The following MYLK variants were observed in gnomAD, a reference collection of about 807,000 sequenced individuals.
MYLK encodes myosin light chain kinase.
A neutral mutation model predicts 203.4 loss-of-function variants in MYLK; 106 were observed. The observed-to-expected ratio is 0.52, with a 90% CI of 0.45 to 0.61. The LOEUF is 0.61. Ranked by LOEUF, MYLK falls within the 20% of genes least tolerant of loss-of-function variation. The pLI is 0.00. For synonymous variants in MYLK, 867 were observed against 959.5 expected (o/e 0.90, Z 1.78); for missense variants, 2,072 against 2,442.3 (o/e 0.85, Z 3.20).
intron 4 of MYLK, among the ~76,000 whole-genome samples, chr3:123,781,793 C>G (rs2064310166): frequency 6.6e-6 from 1 of 152,156 alleles, no homozygotes; most frequent in East Asian, 1.9e-4. Flanking sequence ...CCTCAAACCA[C>G]AAACAGCCTA....
At chr3:123,784,444 T>C (rs780675710) in intron 4 of MYLK, among the ~76,000 whole-genome samples, 13 of 150,060 alleles carry the variant, frequency 8.7e-5, no homozygotes, top group Non-Finnish European at 1.8e-4. Flanking sequence ...CTTAAACCTG[T>C]TATTTGATCC....
intron 3 of MYLK, among the ~76,000 whole-genome samples, chr3:123,809,807 C>A (rs1436094219): frequency 6.6e-6 from 1 of 152,164 alleles, no homozygotes; most frequent in South Asian, 2.1e-4. Flanking sequence ...AGGACGTACA[C>A]GCAGTAGCCA....
chr3:123,705,215 A>T (rs929152969), intron 16 of MYLK, among the ~76,000 whole-genome samples: 51 of 151,818 alleles, frequency 3.4e-4, no homozygotes, highest in Non-Finnish European at 6.5e-4. Flanking sequence ...TTGCTGGAGG[A>T]GTGAGGTCTC....
intron 9 of MYLK, chr3:123,734,435 A>G (rs761765293): frequency 5.0e-5 from 26 of 524,524 alleles, no homozygotes; most frequent in Non-Finnish European, 7.6e-5. Context: ...TGCCTGTCCC[A>G]CAACCCTGCC....
At chr3:123,843,395 A>T (rs1394221800) in intron 2 of MYLK, among the ~76,000 whole-genome samples, 2 of 152,188 alleles carry the variant, frequency 1.3e-5, no homozygotes, top group Non-Finnish European at 2.9e-5. Flanking sequence ...TCTATGAGAT[A>T]AGAATGAACA....
intron 5 of MYLK, among the ~76,000 whole-genome samples, chr3:123,748,682 A>T (rs1196588859): frequency 1.3e-5 from 2 of 152,254 alleles, no homozygotes; most frequent in Non-Finnish European, 2.9e-5. Flanking sequence ...GTATTTTATT[A>T]AAATGAATTT....
intron 23 of MYLK, among the ~76,000 whole-genome samples, chr3:123,662,300 C>G (rs1159908365): frequency 1.3e-5 from 2 of 152,176 alleles, no homozygotes; most frequent in Non-Finnish European, 2.9e-5. Flanking sequence ...CACTATGTTA[C>G]TTTGTTCAGA....
chr3:123,666,345 T>C lies in MYLK; in HGVS notation c.3705A>G (p.Ala1235=), dbSNP rs563569935. The change falls in exon 22 of 34, where the codon GCA becomes GCG. Residue 1235 remains alanine, a splice_region_variant and synonymous_variant. Coordinates refer to ENST00000360304, the MANE Select transcript of MYLK (RefSeq NM_053025.4). ...KPAPKTPPKA[A]MPPQIIQFPE... ...GGAACTGGATGATCTGAGGGGGCATTGCTGAGGGAGGACAGGGAGAAAGTG... is the reference window on the plus strand; with the variant it reads ...GGAACTGGATGATCTGAGGGGGCATCGCTGAGGGAGGACAGGGAGAAAGTG... 1.9e-6 allele frequency: 3 copies of C among 1,614,066 alleles called. No individual in the cohort carries two copies. Among genetic ancestry groups the C allele is most frequent in the Admixed American group, 1.7e-5 (1 of 60,002 alleles).
At chr3:123,619,290 G>T (rs959110061) in intron 32 of MYLK, among the ~76,000 whole-genome samples, 1 of 152,196 alleles carries the variant, frequency 6.6e-6, no homozygotes, top group African/African-American at 2.4e-5. Context: ...TTGGTTCAGG[G>T]AAAAGCTGTA....
At chr3:123,787,772 C>T (rs1447203963) in intron 4 of MYLK, among the ~76,000 whole-genome samples, 1 of 152,210 alleles carries the variant, frequency 6.6e-6, no homozygotes, top group Non-Finnish European at 1.5e-5. Context: ...AGCCTAGCAC[C>T]AATAAGCCAT....
At chr3:123,811,325 G>A (rs1478530040) in intron 3 of MYLK, among the ~76,000 whole-genome samples, 2 of 152,204 alleles carry the variant, frequency 1.3e-5, no homozygotes, top group Non-Finnish European at 2.9e-5. Flanking sequence ...GAGATCAATG[G>A]ACCACCATCA....
chr3:123,707,002 G>A (rs1434229329), intron 16 of MYLK, among the ~76,000 whole-genome samples: 1 of 152,226 alleles, frequency 6.6e-6, no homozygotes. Flanking sequence ...AAAGTCGGAA[G>A]TGATGGCGTG....
intron 33 of MYLK, among the ~76,000 whole-genome samples, chr3:123,615,402 T>C (rs1361551169): frequency 1.3e-5 from 2 of 151,836 alleles, no homozygotes; most frequent in African/African-American, 2.4e-5. Flanking sequence ...AGCGTGATCT[T>C]GGCTCACTGT....
At chr3:123,660,621 T>C (rs2059532691) in intron 23 of MYLK, among the ~76,000 whole-genome samples, 1 of 152,228 alleles carries the variant, frequency 6.6e-6, no homozygotes, top group Admixed American at 6.5e-5. Context: ...AGGGAAAGGC[T>C]AGTTTTTATT....
chr3:123,643,677 T>C lies in MYLK; in HGVS notation c.4620-3173A>G, dbSNP rs552389896. 2.6e-5 allele frequency among the ~76,000 whole-genome samples: 4 copies of C among 152,348 alleles called. No homozygotes were observed. In the South Asian group the frequency reaches 8.3e-4, roughly 32 times the overall value. On this transcript the variant is annotated intron_variant, in intron 27 of 33. Coordinates refer to ENST00000360304, the MANE Select transcript of MYLK (RefSeq NM_053025.4). ...AGGGCCAAGATTAGGCTTAAATTAA[T>C]GGTGAGTGAGTGAATGACTAAATAA...
At chr3:123,857,611 C>T (rs1471605682) in intron 2 of MYLK, among the ~76,000 whole-genome samples, 1 of 138,842 alleles carries the variant, frequency 7.2e-6, no homozygotes, top group Non-Finnish European at 1.5e-5. Context: ...AACACATGGA[C>T]ACAGGAAGGG....
intron 14 of MYLK, chr3:123,709,445 T>A: frequency 2.7e-6 from 1 of 373,942 alleles, no homozygotes; most frequent in East Asian, 6.4e-5. Flanking sequence ...CGGCCCATAA[T>A]CTGGTTTTGT....
intron 2 of MYLK, among the ~76,000 whole-genome samples, chr3:123,853,128 G>GA (rs148743700): frequency 1.4e-4 from 20 of 146,384 alleles, no homozygotes; most frequent in Admixed American, 2.7e-4. Flanking sequence ...ACTCTAGAGA[G>GA]AAAAAAAAAA....
Position 123,647,368 on chromosome 3 carries a change from C to T in MYLK, c.4475G>A (p.Gly1492Glu), listed in dbSNP as rs1214008612. Residue 1492 changes from glycine (G) to glutamate (E), a missense_variant, in exon 27 of 34, where the codon GGG (glycine) becomes GAG (glutamate). Transcript: ENST00000360304. The stretch of plus-strand genomic sequence containing the variant: ...TGCTGAATATGCCTTGAAGAACTTC[C>T]CTGCCCAGACTTTTCGAGTTTTCTT... ...VEKKTRKVWAGKFFKAYSAKE... is the reference protein window; with the variant it reads ...VEKKTRKVWAEKFFKAYSAKE... 2 of 1,614,112 alleles carry T rather than the reference C, an allele frequency of 1.2e-6. No homozygotes were observed. The highest frequency in any genetic ancestry group is 1.3e-5 in the African/African-American group (1 of 74,938).
Sources: allele counts gnomAD v4.1 joint callset (sites outside exome capture counted in the v4.1 genomes callset), GRCh38; gene constraint gnomAD v4.1.1; transcripts MANE v1.5; gene names NCBI Gene and HGNC (gene_info 2026-07-23, HGNC 2026-07-21).